Variants in MRPL2 observed in about 807,000 individuals in gnomAD.
The protein encoded by MRPL2 is mitochondrial ribosomal protein L2, also known as large ribosomal subunit protein uL2m.
MRPL2 carries 27 observed loss-of-function variants against 34.6 expected under a neutral mutation model. That is an observed-to-expected ratio of 0.78 (90% CI 0.58 to 1.08). The LOEUF (loss-of-function observed/expected upper bound fraction) is 1.08, where lower values mean the gene tolerates loss of function less well. Among genes scored for constraint, MRPL2 ranks in the 50% least tolerant of loss-of-function variants. The probability of loss-of-function intolerance (pLI) is 0.00; values close to 1 mark genes in which losing one functional copy is unlikely to be tolerated. For synonymous variants in MRPL2, 155 were observed against 158.0 expected, an observed-to-expected ratio of 0.98 and a Z score of 0.14; for missense variants, 414 against 419.3, an observed-to-expected ratio of 0.99 and a Z score of 0.11.
At position 43,055,888 on chromosome 6, in the gene MRPL2, T is replaced by C. The variant is rs1764861031; in HGVS notation, c.631+9A>G. ...AACTATAGGACCCAGGCAACTCCTT[T>C]CCCCATACCTGCAGCTCGGATATAT... On this transcript the variant is annotated intron_variant, in intron 5 of 6. Coordinates refer to ENST00000388752, the MANE Select transcript of MRPL2 (RefSeq NM_015950.5). 6.2e-7 allele frequency: 1 copy of C among 1,607,720 alleles called. No homozygotes were observed. The highest frequency in any genetic ancestry group is 2.2e-5 in the East Asian group (1 of 44,754).
At chr6:43,054,525 G>C (rs577749407) in intron 6 of MRPL2, 39 bp from the exon 7 acceptor site, 9 of 1,575,434 alleles carry the variant, frequency 5.7e-6, no homozygotes, top group African/African-American at 5.4e-5. Flanking sequence ...TACAATGGGG[G>C]GGAAAGAGCT....
rs114973901 is a variant in MRPL2 at position 43,056,227 on chromosome 6, C to G, written c.405-31G>C. 62 of 1,611,912 alleles carry G rather than the reference C, an allele frequency of 3.8e-5. No homozygotes were observed. In the East Asian group the frequency reaches 6.2e-4, roughly 16 times the overall value. ...CAGGGTGAGGGACAGGTAAGCAGAC[C>G]GTCTAGGCAGCCCCACATCTTCTGA... On this transcript the variant is annotated intron_variant, in intron 3 of 6. Coordinates refer to ENST00000388752, the MANE Select transcript of MRPL2 (RefSeq NM_015950.5).
upstream of MRPL2, chr6:43,059,661 C>T (rs910467728): frequency 2.2e-6 from 3 of 1,347,906 alleles, no homozygotes; most frequent in African/African-American, 1.5e-5. Flanking sequence ...CCGGCAAGAG[C>T]GGCAGCCACA....
chr6:43,058,914 T>G (rs977447221), intron 1 of MRPL2: 3 of 541,848 alleles, frequency 5.5e-6, no homozygotes, highest in Non-Finnish European at 9.8e-6. Context: ...TGTGTGACCT[T>G]GGACTCCTTA....
chr6:43,055,498 C>CA, intron 6 of MRPL2, 47 bp downstream of exon 6: 3 of 1,589,144 alleles, frequency 1.9e-6, no homozygotes, highest in Middle Eastern at 1.7e-4. Context: ...AGTTACATTC[C>CA]AAAAATTCCT....
At position 43,055,563 on chromosome 6, in the gene MRPL2, G is replaced by C. The variant is rs769849394; in HGVS notation, c.687C>G (p.Pro229=). 5 of 1,613,904 alleles carry C rather than the reference G, an allele frequency of 3.1e-6. No homozygotes were observed. Among genetic ancestry groups the C allele is most frequent in the Non-Finnish European group, 4.2e-6 (5 of 1,180,040 alleles). ...TACACACCTGCATCTGCCTCTTAGA[G>C]GGCAGCTGGATAATGGCTGTGCCAT... ...KVNGTAIIQL[P]SKRQMQVLET... Residue 229 remains proline (P), a synonymous_variant, in exon 6 of 7, where the codon CCC becomes CCG. Coordinates refer to ENST00000388752, the MANE Select transcript of MRPL2 (RefSeq NM_015950.5).
chr6:43,059,103 G>A (rs1764990863), intron 1 of MRPL2, 183 bp downstream of exon 1: 8 of 1,525,930 alleles, frequency 5.2e-6, no homozygotes, highest in African/African-American at 1.4e-5. Flanking sequence ...CTCGTCTGAA[G>A]AATTTCGCCC....
upstream of MRPL2, chr6:43,059,820 G>A: frequency 1.7e-6 from 2 of 1,164,328 alleles, no homozygotes. Context: ...CGCCCTTCGC[G>A]ATTCTTCCCC....
In MRPL2 at chr6:43,054,251, C is replaced by T. The variant is rs554839691; in HGVS notation, c.*23G>A. ...AACAGATTAAAACGGGGGGGGGGGG[C>T]ATTTTATTAGAGTACAGGGATATCA... is the stretch of plus-strand genomic sequence containing the variant. On this transcript the variant is annotated 3_prime_UTR_variant, in exon 7 of 7. Coordinates refer to ENST00000388752, the MANE Select transcript of MRPL2 (RefSeq NM_015950.5). 5 of 952,804 alleles carry T rather than the reference C, an allele frequency of 5.2e-6. No individual in the cohort carries two copies. In the South Asian group the frequency reaches 9.8e-5, roughly 19 times the overall value. 59.0% of individuals were successfully genotyped at this position (952,804 alleles called of 1,614,324 possible). A position where few individuals can be genotyped will look rare whatever the true frequency, so the allele number is the denominator to read the frequency against.
upstream of MRPL2, chr6:43,059,516 T>C (rs1765021761): frequency 7.0e-7 from 1 of 1,434,572 alleles, no homozygotes; most frequent in East Asian, 2.5e-5. Flanking sequence ...CACACCTCCT[T>C]TCCTACCTGA....
chr6:43,055,506 C>G lies in MRPL2; in HGVS notation c.705+39G>C, dbSNP rs763777299. The G allele has an allele frequency of 3.3e-5, 52 of 1,594,666 alleles. 2 individuals are homozygous for G. In the South Asian group the frequency reaches 5.7e-4, roughly 17 times the overall value. ...ACAGGAAAGTTACATTCCAAAAATT[C>G]CTCCTTTGCTGACCCCTCCCATCCA... On this transcript the variant is annotated intron_variant, in intron 6 of 6. Transcript: ENST00000388752.
chr6:43,054,909 C>G (rs1238378997), intron 6 of MRPL2, among the ~76,000 whole-genome samples: 3 of 152,084 alleles, frequency 2.0e-5, no homozygotes, highest in Non-Finnish European at 4.4e-5. Flanking sequence ...GATACCCTGT[C>G]TCTACAAAAA....
rs1288739533 is a variant in MRPL2 at position 43,054,198 on chromosome 6, CAA to C, written c.*74_*75del. The C allele has an allele frequency of 5.6e-6, 6 of 1,062,170 alleles. No homozygotes were observed. Among genetic ancestry groups the C allele is most frequent in the Non-Finnish European group, 8.0e-6 (6 of 751,360 alleles). The allele number at this position is 1,062,170 out of a possible 1,614,324, so 65.8% of individuals were successfully genotyped here. ...AAAAAAAAAACAACAACAAAAAAAACAAAAAACACCCAAAACAAAACCACAGT... is the reference window on the plus strand; with the variant it reads ...AAAAAAAAAACAACAACAAAAAAAACAAAACACCCAAAACAAAACCACAGT... On this transcript the variant is annotated 3_prime_UTR_variant, in exon 7 of 7. Coordinates refer to ENST00000388752, the MANE Select transcript of MRPL2 (RefSeq NM_015950.5).
rs760692183 is a variant in MRPL2, at chr6:43,059,404, G to A, written c.-23C>T. The A allele has an allele frequency of 4.6e-6, 7 of 1,526,834 alleles. No homozygotes were observed. The highest frequency in any genetic ancestry group is 2.0e-5 in the Admixed American group (1 of 49,158). 94.6% of individuals were successfully genotyped at this position (1,526,834 alleles called of 1,614,324 possible). A position where few individuals can be genotyped will look rare whatever the true frequency, so the allele number is the denominator to read the frequency against. Reference sequence around the variant, plus strand: ...CATCAGCACGACACCCTTACTTTTAGCCAAGCTGCTCGGTGCTCCTAGATG... The same window carrying A: ...CATCAGCACGACACCCTTACTTTTAACCAAGCTGCTCGGTGCTCCTAGATG... On this transcript the variant is annotated 5_prime_UTR_variant, in exon 1 of 7. Coordinates refer to ENST00000388752, the MANE Select transcript of MRPL2 (RefSeq NM_015950.5).
chr6:43,054,394 C>T lies in MRPL2; in HGVS notation c.798G>A (p.Leu266=), dbSNP rs1162702615. The change falls in exon 7 of 7, where the codon CTG becomes CTA. Residue 266 remains leucine (L), a synonymous_variant. Coordinates refer to ENST00000388752, the MANE Select transcript of MRPL2 (RefSeq NM_015950.5). Reference sequence around the variant, plus strand: ...ACCGCCCACTGTTAGGCCTCTTGCCCAGCCAGCGGTTGCGACCTGCCTTGC... The same window carrying T: ...ACCGCCCACTGTTAGGCCTCTTGCCTAGCCAGCGGTTGCGACCTGCCTTGC... ...VIGKAGRNRW[L]GKRPNSGRWH... The T allele has an allele frequency of 1.2e-6, 2 of 1,614,248 alleles. No homozygotes were observed. Among genetic ancestry groups the T allele is most frequent in the Non-Finnish European group, 1.7e-6 (2 of 1,180,048 alleles).
At chr6:43,059,055 A>C in intron 1 of MRPL2, 1 of 1,354,456 alleles carries the variant, frequency 7.4e-7, no homozygotes, top group Non-Finnish European at 1.0e-6. Context: ...TGAAACCTGC[A>C]CAACCGGTGA....
chr6:43,058,167 T>A lies in MRPL2; in HGVS notation c.163A>T (p.Thr55Ser). The change falls in exon 2 of 7, where the codon ACT (threonine) becomes TCT (serine). Residue 55 changes from threonine (T) to serine (S), a missense_variant. Transcript: ENST00000388752. Reference protein sequence around the residue: ...LMLLPCRPVLTSVALNANFVS... With the variant: ...LMLLPCRPVLSSVALNANFVS... ...AAGTTGGCATTAAGGGCCACAGAAG[T>A]AAGAACTGGGCGGCAGGGGAGCAAC... 1.2e-6 allele frequency: 2 copies of A among 1,614,218 alleles called. No homozygotes were observed. Among genetic ancestry groups the A allele is most frequent in the Non-Finnish European group, 1.7e-6 (2 of 1,180,038 alleles).
intron 6 of MRPL2, 134 bp downstream of exon 6, chr6:43,055,411 T>C: frequency 1.3e-6 from 1 of 782,868 alleles, no homozygotes; most frequent in Non-Finnish European, 2.1e-6. Flanking sequence ...ACCTGAGTCA[T>C]GTGGCAGAAA....
At chr6:43,054,573 G>T in intron 6 of MRPL2, 87 bp from the exon 7 acceptor site, 1 of 1,119,018 alleles carries the variant, frequency 8.9e-7, no homozygotes, top group Non-Finnish European at 1.3e-6. Context: ...GGGCTTCTTA[G>T]ACTCAAGGAG....
Sources: allele counts gnomAD v4.1 joint callset (sites outside exome capture counted in the v4.1 genomes callset), GRCh38; gene constraint gnomAD v4.1.1; transcripts MANE v1.5; gene names NCBI Gene and HGNC (gene_info 2026-07-23, HGNC 2026-07-21).